SLC35E4: variants seen among roughly 807,000 people sequenced by gnomAD.
SLC35E4 encodes solute carrier family 35 member E4.
In SLC35E4, 15 loss-of-function variants were observed where a neutral mutation model predicts 19.3. The ratio of observed to expected loss-of-function variants is 0.78; its 90% CI spans 0.52 to 1.20. The LOEUF is 1.20. Among genes scored for constraint, SLC35E4 ranks in the 50% most tolerant of loss-of-function variants. The pLI, the probability that SLC35E4 is intolerant of heterozygous loss-of-function variation, is 0.00. For synonymous variants in SLC35E4, 219 were observed against 219.9 expected, an observed-to-expected ratio of 1.00 and a Z score of 0.04; for missense variants, 406 against 472.3, an observed-to-expected ratio of 0.86 and a Z score of 1.30.
At chr22:30,637,156 C>T in intron 1 of SLC35E4, 87 bp downstream of exon 1, 2 of 1,485,848 alleles carry the variant, frequency 1.3e-6, no homozygotes, top group Non-Finnish European at 8.9e-7. Context: ...GGCTGTTGTC[C>T]CATTTTACAA....
At chr22:30,641,886 C>T (rs996985121) in intron 1 of SLC35E4, among the ~76,000 whole-genome samples, 15 of 152,006 alleles carry the variant, frequency 9.9e-5, no homozygotes, top group African/African-American at 3.4e-4. Flanking sequence ...GACAGGCGAG[C>T]TGATCTCATA....
At chr22:30,640,903 C>T (rs894628033) in intron 1 of SLC35E4, among the ~76,000 whole-genome samples, 3 of 152,164 alleles carry the variant, frequency 2.0e-5, no homozygotes, top group Non-Finnish European at 2.9e-5. Flanking sequence ...TGACAGCCCA[C>T]AGCCAGGGAA....
rs1309451669 is a variant in SLC35E4, at chr22:30,647,668, A to G, written c.*637A>G. 1 of 152,276 alleles carries G rather than the reference A, an allele frequency of 6.6e-6. No individual in the cohort carries two copies. Among genetic ancestry groups the G allele is most frequent in the African/African-American group, 2.4e-5 (1 of 41,450 alleles). The allele number at this position is 152,276 out of a possible 1,614,324, so 9.4% of individuals were successfully genotyped here. A position where few individuals can be genotyped will look rare whatever the true frequency, so the allele number is the denominator to read the frequency against. On this transcript the variant is annotated 3_prime_UTR_variant, in exon 2 of 2. Coordinates refer to ENST00000343605, the MANE Select transcript of SLC35E4 (RefSeq NM_001001479.4). The stretch of plus-strand genomic sequence containing the variant: ...CCAAAAATTGCTGGGCAAACTTTGA[A>G]GACCTCAACTTGTTACAATGACGAT...
intron 1 of SLC35E4, among the ~76,000 whole-genome samples, chr22:30,639,370 AG>A (rs1199763666): frequency 1.3e-5 from 2 of 152,190 alleles, no homozygotes; most frequent in Admixed American, 6.6e-5. Flanking sequence ...ACAGGACCAT[AG>A]GACCGGGGTG....
chr22:30,640,875 G>A (rs1236607426), intron 1 of SLC35E4, among the ~76,000 whole-genome samples: 1 of 152,172 alleles, frequency 6.6e-6, no homozygotes, highest in African/African-American at 2.4e-5. Flanking sequence ...CACACCAAGA[G>A]TGCTGGGCTG....
chr22:30,649,270 G>A (rs2145584934), downstream of SLC35E4: 1 of 716,598 alleles, frequency 1.4e-6, no homozygotes, highest in East Asian at 2.7e-5. Context: ...GCACCAACTG[G>A]CTCTGCTTTT....
At chr22:30,658,513 C>T (rs966230877) in intron 2 of SLC35E4, among the ~76,000 whole-genome samples, 6 of 151,906 alleles carry the variant, frequency 3.9e-5, no homozygotes, top group South Asian at 2.1e-4. Flanking sequence ...GGGGAATCTC[C>T]GTTGCCTTTT....
chr22:30,638,881 C>G (rs1371911324), intron 1 of SLC35E4, among the ~76,000 whole-genome samples: 1 of 151,284 alleles, frequency 6.6e-6, no homozygotes, highest in Non-Finnish European at 1.5e-5. Context: ...CATAAGAATT[C>G]CTTGAACCCG....
chr22:30,644,101 A>G (rs2088089136), intron 1 of SLC35E4, among the ~76,000 whole-genome samples: 1 of 152,146 alleles, frequency 6.6e-6, no homozygotes, highest in Non-Finnish European at 1.5e-5. Flanking sequence ...CCTTCTTGTG[A>G]TGGGACGTTT....
At position 30,636,905 on chromosome 22, in the gene SLC35E4, CGCT is replaced by C. The variant is rs1569055307; in HGVS notation, c.463_465del (p.Leu155del). On this transcript the variant is annotated inframe_deletion, in exon 1 of 2. Coordinates refer to ENST00000343605, the MANE Select transcript of SLC35E4 (RefSeq NM_001001479.4). Reference sequence around the variant, plus strand: ...CCTCTGTTCACCCTGGCCCTGTCGGCGCTGCTGCTGGGCCGCCGCCACCACCCA... The same window carrying C: ...CCTCTGTTCACCCTGGCCCTGTCGGCGCTGCTGGGCCGCCGCCACCACCCA... The C allele has an allele frequency of 6.2e-7, 1 of 1,611,842 alleles. No homozygotes were observed. The highest frequency in any genetic ancestry group is 8.5e-7 in the Non-Finnish European group (1 of 1,179,290).
chr22:30,637,108 G>C (rs749073118), intron 1 of SLC35E4, 39 bp downstream of exon 1: 2 of 1,533,264 alleles, frequency 1.3e-6, no homozygotes, highest in African/African-American at 2.8e-5. Context: ...GTGGGGGTCC[G>C]GGTGGGTGCA....
At position 30,646,785 on chromosome 22, in the gene SLC35E4, C is replaced by T. The variant is rs139368740; in HGVS notation, c.807C>T (p.Asn269=). 5.0e-4 allele frequency: 803 copies of T among 1,614,100 alleles called. 10 individuals are homozygous for T. The highest frequency in any genetic ancestry group is 9.7e-5 in the Non-Finnish European group (115 of 1,180,062). ...GCTGCCTCCTGTCTGTTCTCTATAA[C>T]CTGGCCAGCTTCTCCCTGCTGGCCC... ...LLSCLLSVLY[N]LASFSLLALT... The change falls in exon 2 of 2, where the codon AAC becomes AAT. Residue 269 remains asparagine, a synonymous_variant. Transcript: ENST00000343605.
intron 1 of SLC35E4, among the ~76,000 whole-genome samples, 188 bp from the exon 2 acceptor site, chr22:30,646,410 G>A (rs2088129394): frequency 6.6e-6 from 1 of 152,168 alleles, no homozygotes; most frequent in Non-Finnish European, 1.5e-5. Flanking sequence ...CTACTCAGGG[G>A]TGGACACAGG....
At chr22:30,645,507 A>G (rs187703123) in intron 1 of SLC35E4, among the ~76,000 whole-genome samples, 1 of 151,810 alleles carries the variant, frequency 6.6e-6, no homozygotes, top group Admixed American at 6.6e-5. Context: ...AGGCAGGAGA[A>G]TCACTTGAAC....
intron 2 of SLC35E4, among the ~76,000 whole-genome samples, chr22:30,653,365 TTCC>T (rs1569063093): frequency 6.6e-6 from 1 of 150,494 alleles, no homozygotes; most frequent in African/African-American, 2.4e-5. Flanking sequence ...ATGTGCCCCC[TTCC>T]TCCTTCTTTT....
Position 30,636,819 on chromosome 22 carries a change from C to G in SLC35E4, c.369C>G (p.Cys123Trp), listed in dbSNP as rs369527396. 1 of 1,612,670 alleles carries G rather than the reference C, an allele frequency of 6.2e-7. No individual in the cohort carries two copies. The highest frequency in any genetic ancestry group is 1.7e-5 in the Admixed American group (1 of 59,898). Residue 123 changes from cysteine to tryptophan, a missense_variant, in exon 1 of 2, where the codon TGC becomes TGG. Coordinates refer to ENST00000343605, the MANE Select transcript of SLC35E4 (RefSeq NM_001001479.4). ...LSLTFGTSMA[C>W]GNVGLRAVPL... ...TCACCTTTGGCACGTCCATGGCCTG[C>G]GGCAACGTGGGCCTAAGGGCTGTGC...
downstream of SLC35E4, among the ~76,000 whole-genome samples, chr22:30,651,419 ATATATATATTTTTTTTTTTT>A (rs1450027232): frequency 0.011 from 723 of 63,824 alleles, 2 homozygotes; most frequent in Non-Finnish European, 0.015. Context: ...ATATATATAT[ATATATATATTTTTTTTTTTT>A]TTTTTTTTTT....
At chr22:30,653,666 G>T (rs1033074835) in intron 2 of SLC35E4, among the ~76,000 whole-genome samples, 1 of 151,820 alleles carries the variant, frequency 6.6e-6, no homozygotes, top group African/African-American at 2.4e-5. Context: ...GAGCCACCAC[G>T]CCTGGCCGCC....
intron 2 of SLC35E4, chr22:30,661,602 GT>G (rs11325761): frequency 0.91 from 139,106 of 152,052 alleles, 63,753 homozygotes; most frequent in East Asian, 1. Flanking sequence ...GCACCCAGCT[GT>G]TAAAAGAAAA....
Sources: allele counts gnomAD v4.1 joint callset (sites outside exome capture counted in the v4.1 genomes callset), GRCh38; gene constraint gnomAD v4.1.1; transcripts MANE v1.5; gene names NCBI Gene and HGNC (gene_info 2026-07-23, HGNC 2026-07-21).